TNFRSF8: variants seen among roughly 807,000 people sequenced by gnomAD.
The protein encoded by TNFRSF8 is TNF receptor superfamily member 8, also known as tumor necrosis factor receptor superfamily member 8.
Under a neutral mutation model 70.8 loss-of-function variants are expected in TNFRSF8, and 26 were observed. That is an observed-to-expected ratio of 0.37 (90% CI 0.27 to 0.51). TNFRSF8 has a LOEUF of 0.51. Ranked by LOEUF, TNFRSF8 falls within the 20% of genes least tolerant of loss-of-function variation. TNFRSF8 has a pLI of 0.94. For synonymous variants in TNFRSF8, 356 were observed against 339.2 expected (o/e 1.05, Z -0.54); for missense variants, 720 against 807.9 (o/e 0.89, Z 1.32).
intron 2 of TNFRSF8, among the ~76,000 whole-genome samples, chr1:12,096,781 A>G (rs1641338569): frequency 6.9e-6 from 1 of 145,552 alleles, no homozygotes; most frequent in South Asian, 2.1e-4. Context: ...TACACGTACT[A>G]TGTACCCTCA....
chr1:12,092,388 G>T (rs140325806), intron 2 of TNFRSF8, among the ~76,000 whole-genome samples: 169 of 152,114 alleles, frequency 1.1e-3, no homozygotes, highest in African/African-American at 3.7e-3. Context: ...GCCCAGGCTA[G>T]TCTCAAACTC....
chr1:12,067,368 C>A (rs923324414), intron 1 of TNFRSF8, among the ~76,000 whole-genome samples: 6 of 152,264 alleles, frequency 3.9e-5, no homozygotes, highest in Non-Finnish European at 4.4e-5. Flanking sequence ...AGTGTGCAGG[C>A]TGGGACCAGG....
intron 1 of TNFRSF8, among the ~76,000 whole-genome samples, chr1:12,066,118 C>G (rs1201628481): frequency 6.6e-6 from 1 of 152,024 alleles, no homozygotes; most frequent in East Asian, 1.9e-4. Flanking sequence ...TCCTTGTTGC[C>G]TTAATTTGCA....
In TNFRSF8 at chr1:12,068,049, G is replaced by A. The variant is rs1358400978; in HGVS notation, c.63+4388G>A. On this transcript the variant is annotated intron_variant, in intron 1 of 14. Transcript: ENST00000263932. ...GCTTGAGAGCAGTGAGTGCCGGAAG[G>A]AGGGGCGTTTACTGTAAGTTTCTGC... Among the ~76,000 whole-genome samples, 3 of 152,146 alleles carry A rather than the reference G, an allele frequency of 2.0e-5. 1 individual carries two copies. The highest frequency in any genetic ancestry group is 4.1e-4 in the South Asian group (2 of 4,832).
chr1:12,139,133 C>T (rs1249655684), intron 14 of TNFRSF8, among the ~76,000 whole-genome samples: 2 of 151,924 alleles, frequency 1.3e-5, no homozygotes, highest in Non-Finnish European at 2.9e-5. Flanking sequence ...ACGGCATTTT[C>T]CCCAAAATGT....
Position 12,099,162 on chromosome 1 carries a change from T to TC in TNFRSF8, c.268+1946dup, listed in dbSNP as rs61311651. 4.6e-3 allele frequency among the ~76,000 whole-genome samples: 698 copies of TC among 152,224 alleles called. 3 individuals are homozygous for TC. Among genetic ancestry groups the TC allele is most frequent in the African/African-American group, 0.015 (615 of 41,528 alleles). On this transcript the variant is annotated intron_variant, in intron 3 of 14. Coordinates refer to ENST00000263932, the MANE Select transcript of TNFRSF8 (RefSeq NM_001243.5). ...GCCTATATTTTTGTTTTCTTTTTTTTCTTTTTGAGACAGAGTCTGACTCTG... is the reference window on the plus strand; with the variant it reads ...GCCTATATTTTTGTTTTCTTTTTTTTCCTTTTTGAGACAGAGTCTGACTCTG...
At chr1:12,114,146 C>T (rs1191985323) in intron 7 of TNFRSF8, among the ~76,000 whole-genome samples, 1 of 152,092 alleles carries the variant, frequency 6.6e-6, no homozygotes, top group Admixed American at 6.6e-5. Flanking sequence ...GTTCAGATCC[C>T]GCCTCTCCCA....
chr1:12,132,975 C>G (rs654712), intron 12 of TNFRSF8, among the ~76,000 whole-genome samples: 1 of 151,772 alleles, frequency 6.6e-6, no homozygotes, highest in African/African-American at 2.4e-5. Context: ...GACAGAGGCT[C>G]GGAGAAGGGA....
At chr1:12,100,249 GA>G (rs1476862526) in intron 3 of TNFRSF8, among the ~76,000 whole-genome samples, 23 of 152,110 alleles carry the variant, frequency 1.5e-4, no homozygotes, top group Admixed American at 1.5e-3. Context: ...TGCAGGACAC[GA>G]AGTTGTTCTG....
intron 13 of TNFRSF8, among the ~76,000 whole-genome samples, chr1:12,137,702 A>G (rs1420769230): frequency 1.3e-5 from 2 of 152,022 alleles, no homozygotes; most frequent in African/African-American, 2.4e-5. Flanking sequence ...TGATCATAAA[A>G]GACTACTTTC....
chr1:12,126,218 C>G lies in TNFRSF8; in HGVS notation c.1291C>G (p.Pro431Ala). 6.2e-7 allele frequency: 1 copy of G among 1,614,176 alleles called. No individual in the cohort carries two copies. Among genetic ancestry groups the G allele is most frequent in the Non-Finnish European group, 8.5e-7 (1 of 1,180,030 alleles). ...GTGCTACCCGGTCCAGACCTCCCAG[C>G]CCAAGCTAGAGCTTGTGGGTGAGTG... ...HLCYPVQTSQ[P>A]KLELVDSRPR... is the part of the protein sequence containing the mutation. The change falls in exon 12 of 15, where the codon CCC becomes GCC. Residue 431 changes from proline to alanine, a missense_variant. Pro to Ala is a conservative substitution (Grantham distance 27). Transcript: ENST00000263932.
intron 1 of TNFRSF8, among the ~76,000 whole-genome samples, chr1:12,082,563 A>C (rs979291727): frequency 4.0e-5 from 6 of 150,078 alleles, no homozygotes; most frequent in African/African-American, 1.5e-4. Context: ...AAAAAAAAAA[A>C]CAAAAACAAA....
intron 1 of TNFRSF8, among the ~76,000 whole-genome samples, chr1:12,069,173 T>G (rs1217897498): frequency 3.2e-5 from 1 of 31,640 alleles, no homozygotes; most frequent in Non-Finnish European, 5.4e-5. Context: ...ACCCGGCCTT[T>G]TTTTTTTTTT....
intron 2 of TNFRSF8, among the ~76,000 whole-genome samples, chr1:12,092,487 CCTTTT>C (rs1463874779): frequency 1.3e-5 from 2 of 150,862 alleles, no homozygotes; most frequent in African/African-American, 2.4e-5. Context: ...CCAATTTTCC[CCTTTT>C]CTTTTATTTT....
chr1:12,118,674 G>A (rs1215243221), intron 8 of TNFRSF8, among the ~76,000 whole-genome samples: 2 of 152,176 alleles, frequency 1.3e-5, no homozygotes, highest in Non-Finnish European at 2.9e-5. Context: ...TTTTTAGAAA[G>A]TGTGCTTGTG....
rs1353806076 is a variant in TNFRSF8, at chr1:12,142,604, G to A, written c.*73G>A. ...AGGCCAGGATGGCACTGTTGGCACC[G>A]AGGTTGGGGGCAGAGGCCCATCTGG... On this transcript the variant is annotated 3_prime_UTR_variant, in exon 15 of 15. Coordinates refer to ENST00000263932, the MANE Select transcript of TNFRSF8 (RefSeq NM_001243.5). The surrounding 1 kb of genome is among the most constrained non-coding windows in gnomAD (Gnocchi z 5.0). 16 of 1,510,348 alleles carry A rather than the reference G, an allele frequency of 1.1e-5. No homozygotes were observed. In the South Asian group the frequency reaches 1.1e-4, roughly 11 times the overall value. The allele number at this position is 1,510,348 out of a possible 1,614,324, so 93.6% of individuals were successfully genotyped here.
chr1:12,139,851 G>C (rs1642221111), intron 14 of TNFRSF8, among the ~76,000 whole-genome samples: 1 of 152,202 alleles, frequency 6.6e-6, no homozygotes, highest in Admixed American at 6.5e-5. Context: ...GGCCAGGCTG[G>C]TCTGGAACTC....
chr1:12,116,143 G>A (rs1047539757), intron 8 of TNFRSF8, among the ~76,000 whole-genome samples: 2 of 151,730 alleles, frequency 1.3e-5, no homozygotes, highest in Admixed American at 1.3e-4. Context: ...CACCACAGCC[G>A]GCTAATGTTG....
rs1641785309 is a variant in TNFRSF8, at chr1:12,119,063, C to T, written c.946+3334C>T. ...TATTTTTAGTAGAGACAGGGTTTCA[C>T]CATGATGGTCAGGCTGGTCTCGAAC... On this transcript the variant is annotated intron_variant, in intron 8 of 14. Coordinates refer to ENST00000263932, the MANE Select transcript of TNFRSF8 (RefSeq NM_001243.5). This position sits in a 1 kb window ranked among gnomAD's most constrained non-coding sequence, Gnocchi z 4.4. 6.6e-6 allele frequency among the ~76,000 whole-genome samples: 1 copy of T among 152,182 alleles called. No homozygotes were observed. Among genetic ancestry groups the T allele is most frequent in the African/African-American group, 2.4e-5 (1 of 41,428 alleles).
Sources: gnomAD v4.1 joint callset for allele counts (sites outside exome capture counted in the v4.1 genomes callset) on GRCh38, gnomAD v4.1.1 for gene constraint, Gnocchi (gnomAD v3.1) non-coding constraint, MANE v1.5 for transcripts, NCBI Gene and HGNC (gene_info 2026-07-23, HGNC 2026-07-21) for gene names.